Variants in STOX2 observed in about 807,000 individuals in gnomAD.
STOX2 encodes storkhead box 2.
Under a neutral mutation model 60.9 loss-of-function variants are expected in STOX2, and 28 were observed. That is an observed-to-expected ratio of 0.46 (90% CI 0.34 to 0.63). The LOEUF (loss-of-function observed/expected upper bound fraction) is 0.63, where lower values mean the gene tolerates loss of function less well. Among genes scored for constraint, STOX2 ranks in the 30% least tolerant of loss-of-function variants. STOX2 has a pLI of 0.01. For missense variants in STOX2, 1,024 were observed against 1,187.7 expected (o/e 0.86, Z 2.03); for synonymous variants, 472 against 463.9 (o/e 1.02, Z -0.22).
intron 1 of STOX2, among the ~76,000 whole-genome samples, chr4:183,880,389 T>G (rs1740932210): frequency 6.7e-6 from 1 of 149,082 alleles, no homozygotes; most frequent in Non-Finnish European, 1.5e-5. Flanking sequence ...TTCTAAAGTA[T>G]CCAGGTATAA....
intron 3 of STOX2, chr4:184,014,708 T>C (rs1184903017): frequency 6.6e-6 from 1 of 152,236 alleles, no homozygotes; most frequent in Non-Finnish European, 1.5e-5. Flanking sequence ...GTAATCATTA[T>C]TGCAACAATA....
chr4:183,998,573 G>T (rs1560930575), intron 1 of STOX2, among the ~76,000 whole-genome samples: 2 of 152,102 alleles, frequency 1.3e-5, no homozygotes, highest in South Asian at 4.1e-4. Context: ...ACAGGGTCTC[G>T]CTCTGTTGCC....
intron 1 of STOX2, among the ~76,000 whole-genome samples, chr4:183,832,376 C>T (rs1739590177): frequency 6.6e-6 from 1 of 151,744 alleles, no homozygotes; most frequent in African/African-American, 2.4e-5. Context: ...GTATGCTTAT[C>T]TCTGTTAGAG....
chr4:183,943,738 G>A (rs772539783), intron 1 of STOX2, among the ~76,000 whole-genome samples: 17 of 152,178 alleles, frequency 1.1e-4, no homozygotes, highest in Non-Finnish European at 2.2e-4. Context: ...CTAGCTGGGC[G>A]TGGTGGCGTG....
intron 1 of STOX2, among the ~76,000 whole-genome samples, chr4:183,820,401 C>T (rs982748977): frequency 6.6e-6 from 1 of 152,176 alleles, no homozygotes; most frequent in Non-Finnish European, 1.5e-5. Flanking sequence ...TCATTGATGT[C>T]ATTGTCAGGT....
At chr4:183,971,410 T>A (rs1044841364) in intron 1 of STOX2, among the ~76,000 whole-genome samples, 14 of 152,192 alleles carry the variant, frequency 9.2e-5, no homozygotes, top group African/African-American at 3.4e-4. Flanking sequence ...CATGTGGGTG[T>A]CTCCTGTCTC....
At chr4:183,901,417 T>G (rs1741456205), upstream of STOX2, among the ~76,000 whole-genome samples, 1 of 152,168 alleles carries the variant, frequency 6.6e-6, no homozygotes, top group Non-Finnish European at 1.5e-5. Flanking sequence ...TTCACTTCTT[T>G]TCGGGTATAT....
chr4:183,936,450 A>T (rs1742594598), intron 1 of STOX2, among the ~76,000 whole-genome samples: 1 of 145,790 alleles, frequency 6.9e-6, no homozygotes, highest in African/African-American at 2.5e-5. Flanking sequence ...TCATGAGTTT[A>T]TTGGCGTCAG....
chr4:183,912,379 T>A (rs1445428758), intron 1 of STOX2, among the ~76,000 whole-genome samples: 1 of 152,182 alleles, frequency 6.6e-6, no homozygotes, highest in Non-Finnish European at 1.5e-5. Context: ...TTTCCACCTC[T>A]TCTTCTCTTT....
At chr4:183,920,558 A>G (rs1448182360) in intron 1 of STOX2, among the ~76,000 whole-genome samples, 1 of 152,210 alleles carries the variant, frequency 6.6e-6, no homozygotes, top group Non-Finnish European at 1.5e-5. Flanking sequence ...GTCTAACCCT[A>G]AATATTTGGG....
At chr4:183,972,115 A>G (rs1241848640) in intron 1 of STOX2, among the ~76,000 whole-genome samples, 5 of 152,232 alleles carry the variant, frequency 3.3e-5, no homozygotes, top group Admixed American at 6.5e-5. Flanking sequence ...ACCCATAGCC[A>G]GTCCTGCACA....
intron 1 of STOX2, among the ~76,000 whole-genome samples, chr4:183,945,601 A>G (rs1317993963): frequency 6.6e-6 from 1 of 152,210 alleles, no homozygotes; most frequent in African/African-American, 2.4e-5. Context: ...TAGCAGTTCT[A>G]CGCAGAAAAA....
intron 1 of STOX2, among the ~76,000 whole-genome samples, chr4:183,964,915 GA>G (rs1379311050): frequency 6.6e-6 from 1 of 152,156 alleles, no homozygotes; most frequent in Admixed American, 6.5e-5. Flanking sequence ...GAAACGTTAT[GA>G]AAAATTACCC....
At chr4:183,824,478 C>T (rs1474557950) in intron 1 of STOX2, among the ~76,000 whole-genome samples, 3 of 152,150 alleles carry the variant, frequency 2.0e-5, no homozygotes, top group African/African-American at 7.2e-5. Context: ...TGGATGAACT[C>T]TGAGAGCTTC....
At chr4:183,902,333 T>C (rs114138070), upstream of STOX2, among the ~76,000 whole-genome samples, 1,133 of 152,354 alleles carry the variant, frequency 7.4e-3, 12 homozygotes, top group African/African-American at 0.026. Flanking sequence ...TACATTTGAA[T>C]TAGAGTCACA....
intron 1 of STOX2, among the ~76,000 whole-genome samples, chr4:183,994,458 T>C (rs930613191): frequency 6.6e-6 from 1 of 152,332 alleles, no homozygotes; most frequent in African/African-American, 2.4e-5. Flanking sequence ...ATGGAGCCAT[T>C]TCTTTGAAAA....
chr4:183,906,650 G>C lies in STOX2; in HGVS notation c.-141G>C, dbSNP rs909580245. ...GGGGAGGGCCGGACCCGCCGCTGGC[G>C]GTGTAGACGCCGACGAGGAGGGGCT... On this transcript the variant is annotated 5_prime_UTR_variant, in exon 1 of 4. Coordinates refer to ENST00000308497, the MANE Select transcript of STOX2 (RefSeq NM_020225.3). 2 of 938,616 alleles carry C rather than the reference G, an allele frequency of 2.1e-6. No individual in the cohort carries two copies. Among genetic ancestry groups the C allele is most frequent in the African/African-American group, 3.4e-5 (2 of 58,660 alleles). 58.1% of individuals were successfully genotyped at this position (938,616 alleles called of 1,614,324 possible). A position where few individuals can be genotyped will look rare whatever the true frequency, so the allele number is the denominator to read the frequency against.
chr4:183,951,850 G>A (rs1274089591), intron 1 of STOX2, among the ~76,000 whole-genome samples: 3 of 152,052 alleles, frequency 2.0e-5, no homozygotes, highest in Non-Finnish European at 4.4e-5. Context: ...GGCTGAGGCA[G>A]GAGAATCTCT....
chr4:183,881,514 G>T (rs1352573440), intron 1 of STOX2, among the ~76,000 whole-genome samples: 1 of 152,008 alleles, frequency 6.6e-6, no homozygotes, highest in Non-Finnish European at 1.5e-5. Context: ...AAAAGAAAAG[G>T]CTTGGTCAGT....
Sources: allele counts gnomAD v4.1 joint callset (sites outside exome capture counted in the v4.1 genomes callset), GRCh38; gene constraint gnomAD v4.1.1; transcripts MANE v1.5; gene names NCBI Gene and HGNC (gene_info 2026-07-23, HGNC 2026-07-21).